ERC2: variants seen among roughly 807,000 people sequenced by gnomAD.
ERC2 encodes the protein ERC protein 2.
In ERC2, 42 loss-of-function variants were observed where a neutral mutation model predicts 114.8. The observed-to-expected ratio is 0.37, with a 90% CI of 0.29 to 0.47. ERC2 has a LOEUF of 0.47. Among genes scored for constraint, ERC2 ranks in the 20% least tolerant of loss-of-function variants. The pLI is 0.99. For missense variants in ERC2, 939 were observed against 1,150.7 expected (o/e 0.82, Z 2.66); for synonymous variants, 454 against 425.5 (o/e 1.07, Z -0.82).
chr3:56,204,209 A>G (rs904094668), intron 3 of ERC2, among the ~76,000 whole-genome samples: 2 of 152,182 alleles, frequency 1.3e-5, no homozygotes, highest in African/African-American at 4.8e-5. Context: ...GGAAAATGCT[A>G]ACAATACAAC....
chr3:56,446,611 C>CTTTTTTTTTTTTTTTTT (rs71099636), intron 1 of ERC2, among the ~76,000 whole-genome samples: 1 of 120,240 alleles, frequency 8.3e-6, no homozygotes. Flanking sequence ...GCATTTTCTT[C>CTTTTTTTTTTTTTTTTT]TTTTTTTTTT....
intron 2 of ERC2, among the ~76,000 whole-genome samples, chr3:56,354,107 T>C (rs2058656373): frequency 6.6e-6 from 1 of 152,150 alleles, no homozygotes; most frequent in Admixed American, 6.5e-5. Flanking sequence ...TTTACGATCT[T>C]CTGAATGAGA....
intron 6 of ERC2, among the ~76,000 whole-genome samples, chr3:56,085,856 AAC>A (rs1002408397): frequency 4.6e-5 from 7 of 152,166 alleles, no homozygotes; most frequent in Non-Finnish European, 1.5e-5. Flanking sequence ...TCTGAGAAGA[AAC>A]ACATGACTGA....
chr3:56,414,796 C>G lies in ERC2; in HGVS notation c.657+19555G>C, dbSNP rs116739166. Among the ~76,000 whole-genome samples, 1,326 of 152,080 alleles carry G rather than the reference C, an allele frequency of 8.7e-3. 12 individuals carry two copies. Among genetic ancestry groups the G allele is most frequent in the Non-Finnish European group, 0.014 (971 of 67,992 alleles). On this transcript the variant is annotated intron_variant, in intron 2 of 17. Transcript: ENST00000288221. Reference sequence around the variant, plus strand: ...CCACTCTCTCTCTCTCCCTCTCTGTCTCTCCCCCCAGGTACAGAGTTTTCA... The same window carrying G: ...CCACTCTCTCTCTCTCCCTCTCTGTGTCTCCCCCCAGGTACAGAGTTTTCA...
intron 2 of ERC2, among the ~76,000 whole-genome samples, chr3:56,368,610 C>G (rs759833148): frequency 1.4e-4 from 22 of 152,144 alleles, no homozygotes; most frequent in East Asian, 3.9e-4. Flanking sequence ...CATTGGCTAT[C>G]CTCCTATGAA....
chr3:56,000,798 G>C (rs2071987107), intron 10 of ERC2, among the ~76,000 whole-genome samples: 1 of 151,780 alleles, frequency 6.6e-6, no homozygotes, highest in Admixed American at 6.6e-5. Context: ...CATGTTTGTA[G>C]TCTCAGCAAC....
At chr3:56,023,849 C>G (rs987080495) in intron 7 of ERC2, among the ~76,000 whole-genome samples, 1 of 130,810 alleles carries the variant, frequency 7.6e-6, no homozygotes, top group Non-Finnish European at 1.7e-5. Context: ...AGGAAGAGGC[C>G]AGAGTAGGTG....
chr3:55,785,512 CTT>C (rs1327728323), intron 14 of ERC2, among the ~76,000 whole-genome samples: 1 of 152,180 alleles, frequency 6.6e-6, no homozygotes, highest in Non-Finnish European at 1.5e-5. Flanking sequence ...TATCTTCCCT[CTT>C]TGTCCAACTC....
intron 17 of ERC2, among the ~76,000 whole-genome samples, chr3:55,648,799 C>G (rs566577666): frequency 5.3e-5 from 8 of 152,168 alleles, no homozygotes; most frequent in South Asian, 4.1e-4. Flanking sequence ...CTGGCACACA[C>G]AAAGCTCTGA....
At chr3:55,609,057 T>C (rs1225490306) in intron 17 of ERC2, among the ~76,000 whole-genome samples, 3 of 152,194 alleles carry the variant, frequency 2.0e-5, no homozygotes, top group African/African-American at 4.8e-5. Flanking sequence ...TACTTCCATG[T>C]TGCAGACAGA....
At chr3:55,756,622 A>G (rs889729626) in intron 14 of ERC2, among the ~76,000 whole-genome samples, 1 of 152,246 alleles carries the variant, frequency 6.6e-6, no homozygotes, top group African/African-American at 2.4e-5. Flanking sequence ...TCATCCTGAC[A>G]TCTTCTGATG....
chr3:55,670,540 C>T (rs188126231), intron 17 of ERC2, among the ~76,000 whole-genome samples: 1 of 152,346 alleles, frequency 6.6e-6, no homozygotes, highest in Admixed American at 6.5e-5. Context: ...AAGCAACCGC[C>T]CTGCAGCTCT....
Position 56,039,525 on chromosome 3 carries a change from T to C in ERC2, c.1642-20494A>G, listed in dbSNP as rs147446723. Among the ~76,000 whole-genome samples the C allele has an allele frequency of 1.3e-3, 196 of 152,264 alleles. 2 individuals are homozygous for C. The highest frequency in any genetic ancestry group is 4.4e-3 in the African/African-American group (183 of 41,560). On this transcript the variant is annotated intron_variant, in intron 7 of 17. Transcript: ENST00000288221. ...CACAAATAAATGGAAAGATATCCCA[T>C]GTTCACGAATTTGAAAAATTAATAT...
chr3:56,016,591 T>C (rs2073327982), intron 8 of ERC2, among the ~76,000 whole-genome samples: 1 of 152,046 alleles, frequency 6.6e-6, no homozygotes, highest in African/African-American at 2.4e-5. Flanking sequence ...CCCTATGAGG[T>C]TCTGATTTGG....
At chr3:56,206,200 CAT>C (rs1382351802) in intron 3 of ERC2, among the ~76,000 whole-genome samples, 167 of 54,268 alleles carry the variant, frequency 3.1e-3, no homozygotes, top group African/African-American at 9.1e-3. Flanking sequence ...CACACACACA[CAT>C]ACACACACAC....
intron 17 of ERC2, among the ~76,000 whole-genome samples, chr3:55,593,145 T>C (rs1456096380): frequency 6.6e-6 from 1 of 152,198 alleles, no homozygotes; most frequent in African/African-American, 2.4e-5. Context: ...TGACTCCTGA[T>C]CCAGCGCTGC....
chr3:55,689,539 A>T lies in ERC2; in HGVS notation c.2848-5680T>A, dbSNP rs143068678. 1.6e-3 allele frequency among the ~76,000 whole-genome samples: 251 copies of T among 152,350 alleles called. 4 individuals carry two copies. The highest frequency in any genetic ancestry group is 0.015 in the Admixed American group (230 of 15,302). On this transcript the variant is annotated intron_variant, in intron 16 of 17. Transcript: ENST00000288221. ...AGACAGGCTTTATTTTCGCTCCTTC[A>T]TCGATCAGTCATTAACACTTGGCTT... is the stretch of plus-strand genomic sequence containing the variant.
intron 12 of ERC2, among the ~76,000 whole-genome samples, chr3:55,977,292 T>C (rs1338159329): frequency 2.0e-5 from 3 of 152,156 alleles, no homozygotes; most frequent in Non-Finnish European, 4.4e-5. Flanking sequence ...CTGAATACAT[T>C]TGACTATGTA....
intron 4 of ERC2, among the ~76,000 whole-genome samples, chr3:56,161,782 C>T (rs1575634826): frequency 6.6e-6 from 1 of 151,872 alleles, no homozygotes; most frequent in African/African-American, 2.4e-5. Flanking sequence ...TTTCAGAAGT[C>T]TTTTGGCAGT....
Sources: gnomAD v4.1 joint callset for allele counts (sites outside exome capture counted in the v4.1 genomes callset) on GRCh38, gnomAD v4.1.1 for gene constraint, MANE v1.5 for transcripts, NCBI Gene and HGNC (gene_info 2026-07-23, HGNC 2026-07-21) for gene names.